The following ZNF470 variants were observed in gnomAD, a reference collection of about 807,000 sequenced individuals.
ZNF470 encodes the protein zinc finger protein 470, also known as chondrogenesis zinc finger protein 1.
ZNF470 carries 13 observed loss-of-function variants against 13.9 expected under a neutral mutation model. The observed-to-expected ratio is 0.94, with a 90% CI of 0.61 to 1.49. The LOEUF is 1.49. Ranked by LOEUF, ZNF470 falls within the 40% of genes most tolerant of loss-of-function variation. The probability of loss-of-function intolerance (pLI) is 0.00; values close to 1 mark genes in which losing one functional copy is unlikely to be tolerated. For missense variants in ZNF470, 929 were observed against 857.3 expected (o/e 1.08, Z -1.04); for synonymous variants, 293 against 282.9 (o/e 1.04, Z -0.36).
In ZNF470 at chr19:56,567,829, C is replaced by G; in HGVS notation, c.-368C>G. ...TTTAAGTGGCCAAGAGCAGGAAACC[C>G]GGCCGGAGGAGGCTTACCCCGTTCT... is the stretch of plus-strand genomic sequence containing the variant. On this transcript the variant is annotated 5_prime_UTR_variant, in exon 1 of 6. Coordinates refer to ENST00000330619, the MANE Select transcript of ZNF470 (RefSeq NM_001001668.4). 1 of 986,258 alleles carries G rather than the reference C, an allele frequency of 1.0e-6. No individual in the cohort carries two copies. The highest frequency in any genetic ancestry group is 1.2e-6 in the Non-Finnish European group (1 of 830,664). 61.1% of individuals were successfully genotyped at this position (986,258 alleles called of 1,614,324 possible). A position where few individuals can be genotyped will look rare whatever the true frequency, so the allele number is the denominator to read the frequency against.
intron 5 of ZNF470, 128 bp downstream of exon 5, chr19:56,574,861 T>G: frequency 1.3e-6 from 1 of 762,592 alleles, no homozygotes; most frequent in East Asian, 2.7e-5. Context: ...AGTTTTTGAA[T>G]GGTTATTCTC....
At position 56,577,431 on chromosome 19, in the gene ZNF470, C is replaced by T. The variant is rs1383169289; in HGVS notation, c.1002C>T (p.His334=). ...ACCTTGCTCAACATCAGAGGGTCCA[C>T]ACTGGAGAGAAACCCTATGAATGTA... ...LAHLAQHQRV[H]TGEKPYECIE... is the part of the protein sequence containing the mutation. The change falls in exon 6 of 6, where the codon CAC becomes CAT. Residue 334 remains histidine, a synonymous_variant. Coordinates refer to ENST00000330619, the MANE Select transcript of ZNF470 (RefSeq NM_001001668.4). 3.7e-6 allele frequency: 6 copies of T among 1,613,748 alleles called. No homozygotes were observed. The highest frequency in any genetic ancestry group is 5.1e-6 in the Non-Finnish European group (6 of 1,179,968).
In ZNF470 at chr19:56,579,614, A is replaced by G. The variant is rs1408062386; in HGVS notation, c.*1031A>G. ...CGTGTGGTATTTAAATTGTTCTAGC[A>G]TAAAATAAAATGCAATAAGACCTTC... On this transcript the variant is annotated 3_prime_UTR_variant, in exon 6 of 6. Transcript: ENST00000330619. The G allele has an allele frequency of 2.0e-6, 2 of 985,348 alleles. No individual in the cohort carries two copies. Among genetic ancestry groups the G allele is most frequent in the Non-Finnish European group, 2.4e-6 (2 of 829,948 alleles). The allele number at this position is 985,348 out of a possible 1,614,324, so 61.0% of individuals were successfully genotyped here.
At position 56,581,311 on chromosome 19, in the gene ZNF470, A is replaced by C; in HGVS notation, c.*2728A>C. 1 of 805,332 alleles carries C rather than the reference A, an allele frequency of 1.2e-6. No individual in the cohort carries two copies. The highest frequency in any genetic ancestry group is 1.5e-6 in the Non-Finnish European group (1 of 665,940). The allele number at this position is 805,332 out of a possible 1,614,324, so 49.9% of individuals were successfully genotyped here. A position where few individuals can be genotyped will look rare whatever the true frequency, so the allele number is the denominator to read the frequency against. On this transcript the variant is annotated 3_prime_UTR_variant, in exon 6 of 6. Coordinates refer to ENST00000330619, the MANE Select transcript of ZNF470 (RefSeq NM_001001668.4). ...TGATTATCTACTTTTTCCCCAAAAG[A>C]CTGACTAATCGAGTGATAACATTCA... is the stretch of plus-strand genomic sequence containing the variant.
At chr19:56,575,221 C>G (rs1453105252) in intron 5 of ZNF470, among the ~76,000 whole-genome samples, 1 of 151,812 alleles carries the variant, frequency 6.6e-6, no homozygotes. Context: ...TTTATACCAC[C>G]CCACCCTTTG....
At chr19:56,573,344 T>C (rs2044468352) in intron 3 of ZNF470, among the ~76,000 whole-genome samples, 1 of 152,240 alleles carries the variant, frequency 6.6e-6, no homozygotes, top group Non-Finnish European at 1.5e-5. Context: ...TATTTCCATT[T>C]TTCAGATGGG....
intron 1 of ZNF470, 119 bp downstream of exon 1, chr19:56,568,157 G>A (rs751215814): frequency 1.9e-5 from 18 of 972,480 alleles, no homozygotes; most frequent in Non-Finnish European, 2.1e-5. Context: ...AGTGGACCTG[G>A]AAGTCGAAAG....
intron 3 of ZNF470, chr19:56,573,972 T>C: frequency 7.1e-6 from 7 of 984,810 alleles, no homozygotes; most frequent in Non-Finnish European, 8.4e-6. Context: ...GAGATTGAAA[T>C]CATGTTCATC....
rs760469519 is a variant in ZNF470 at position 56,577,185 on chromosome 19, A to G, written c.756A>G (p.Gly252=). Residue 252 remains glycine, a synonymous_variant, in exon 6 of 6, where the codon GGA becomes GGG. Transcript: ENST00000330619. ...TLTLHQRIHT[G]EKPYECIECG... is the part of the protein sequence containing the mutation. Reference sequence around the variant, plus strand: ...CTCTTCACCAAAGAATTCATACAGGAGAGAAACCCTATGAATGTATTGAAT... The same window carrying G: ...CTCTTCACCAAAGAATTCATACAGGGGAGAAACCCTATGAATGTATTGAAT... 6.2e-7 allele frequency: 1 copy of G among 1,613,248 alleles called. No homozygotes were observed. Among genetic ancestry groups the G allele is most frequent in the Admixed American group, 1.7e-5 (1 of 59,718 alleles).
chr19:56,570,147 C>T (rs1359316765), intron 2 of ZNF470, 133 bp from the exon 3 acceptor site: 2 of 630,470 alleles, frequency 3.2e-6, no homozygotes, highest in African/African-American at 3.7e-5. Flanking sequence ...TCCCAAAGAG[C>T]ATCAGGACTG....
At chr19:56,574,328 C>G in intron 3 of ZNF470, 66 bp from the exon 4 acceptor site, 1 of 1,610,130 alleles carries the variant, frequency 6.2e-7, no homozygotes, top group Non-Finnish European at 8.5e-7. Context: ...CAGCATAACT[C>G]TTTACCCTAG....
intron 2 of ZNF470, 90 bp from the exon 3 acceptor site, chr19:56,570,190 T>C: frequency 1.2e-6 from 1 of 866,376 alleles, no homozygotes; most frequent in Non-Finnish European, 1.9e-6. Context: ...GGACTGTGAG[T>C]GAGGACAGAA....
At position 56,578,803 on chromosome 19, in the gene ZNF470, T is replaced by G; in HGVS notation, c.*220T>G. Reference sequence around the variant, plus strand: ...ATTTTCCCATTTAAAACACTTGATTTGAAAAATATATTAACTAATCCATTT... The same window carrying G: ...ATTTTCCCATTTAAAACACTTGATTGGAAAAATATATTAACTAATCCATTT... On this transcript the variant is annotated 3_prime_UTR_variant, in exon 6 of 6. Coordinates refer to ENST00000330619, the MANE Select transcript of ZNF470 (RefSeq NM_001001668.4). 8.2e-7 allele frequency: 1 copy of G among 1,226,202 alleles called. No homozygotes were observed. Among genetic ancestry groups the G allele is most frequent in the Non-Finnish European group, 1.0e-6 (1 of 979,000 alleles). The allele number at this position is 1,226,202 out of a possible 1,614,324, so 76.0% of individuals were successfully genotyped here.
chr19:56,574,866 A>G, intron 5 of ZNF470, 133 bp downstream of exon 5: 2 of 727,886 alleles, frequency 2.7e-6, no homozygotes, highest in East Asian at 2.7e-5. Flanking sequence ...TTGAATGGTT[A>G]TTCTCTTCCC....
chr19:56,578,275 A>T lies in ZNF470; in HGVS notation c.1846A>T (p.Thr616Ser). The change falls in exon 6 of 6, where the codon ACT (threonine) becomes TCT (serine). Residue 616 changes from threonine (T) to serine (S), a missense_variant. By Grantham distance (58) the Thr-to-Ser change is moderately conservative. Coordinates refer to ENST00000330619, the MANE Select transcript of ZNF470 (RefSeq NM_001001668.4). ...CTTGATTTGTCATCAGAGATGTCAT[A>T]CTGGTGAGAAACCTTATGAATGTAA... The part of the protein sequence containing the change: ...ASLICHQRCH[T>S]GEKPYECNVC... The T allele has an allele frequency of 6.2e-7, 1 of 1,613,636 alleles. No individual in the cohort carries two copies. The highest frequency in any genetic ancestry group is 8.5e-7 in the Non-Finnish European group (1 of 1,179,764).
chr19:56,576,740 C>A lies in ZNF470; in HGVS notation c.311C>A (p.Ser104Ter). The A allele has an allele frequency of 6.8e-7, 1 of 1,481,070 alleles. No homozygotes were observed. Among genetic ancestry groups the A allele is most frequent in the Non-Finnish European group, 9.0e-7 (1 of 1,117,246 alleles). The allele number at this position is 1,481,070 out of a possible 1,614,324, so 91.7% of individuals were successfully genotyped here. Reference sequence around the variant, plus strand: ...TTGGAGTGTGTGTGGGTGACCAAATCATTATCTTTAAACCAGGATATTTAT... The same window carrying A: ...TTGGAGTGTGTGTGGGTGACCAAATAATTATCTTTAAACCAGGATATTTAT... The part of the protein sequence containing the change: ...PDLECVWVTK[S>*]LSLNQDIYEE... Residue 104 changes from serine to a stop codon, truncating the protein, a stop_gained, in exon 6 of 6, where the codon TCA (serine) becomes TAA (stop). Transcript: ENST00000330619. LOFTEE classifies it low-confidence loss of function (END_TRUNC).
Position 56,581,961 on chromosome 19 carries a change from C to T in ZNF470, c.*3378C>T, listed in dbSNP as rs1486552648. On this transcript the variant is annotated 3_prime_UTR_variant, in exon 6 of 6. Transcript: ENST00000330619. ...TCCAAGTCTGTGATTCCTCAAACTA[C>T]CCATTGTCTTTCCGGTACTTGATTT... The T allele has an allele frequency of 1.0e-6, 1 of 985,396 alleles. No homozygotes were observed. Among genetic ancestry groups the T allele is most frequent in the African/African-American group, 1.7e-5 (1 of 57,330 alleles). The allele number at this position is 985,396 out of a possible 1,614,324, so 61.0% of individuals were successfully genotyped here.
intron 1 of ZNF470, among the ~76,000 whole-genome samples, chr19:56,568,246 C>A (rs1393291656): frequency 6.6e-6 from 1 of 152,160 alleles, no homozygotes; most frequent in Non-Finnish European, 1.5e-5. Context: ...GACACCTAAC[C>A]AGATAACCTG....
In ZNF470 at chr19:56,568,810, C is replaced by CCG. The variant is rs1249556506; in HGVS notation, c.-105_-104dup. 1 of 152,088 alleles carries CCG rather than the reference C, an allele frequency of 6.6e-6. No individual in the cohort carries two copies. The highest frequency in any genetic ancestry group is 1.9e-4 in the East Asian group (1 of 5,172). The allele number at this position is 152,088 out of a possible 1,614,324, so 9.4% of individuals were successfully genotyped here. A position where few individuals can be genotyped will look rare whatever the true frequency, so the allele number is the denominator to read the frequency against. ...AAGTAATCACTAGCAAGTGGAAGAA[C>CCG]CGGGATTCAGATCCAGAACAGGCTG... On this transcript the variant is annotated 5_prime_UTR_variant, in exon 2 of 6. Coordinates refer to ENST00000330619, the MANE Select transcript of ZNF470 (RefSeq NM_001001668.4).
Sources: allele counts gnomAD v4.1 joint callset (sites outside exome capture counted in the v4.1 genomes callset), GRCh38; gene constraint gnomAD v4.1.1; transcripts MANE v1.5; gene names NCBI Gene and HGNC (gene_info 2026-07-23, HGNC 2026-07-21).